The following PIAS2 variants were observed in gnomAD, a reference collection of about 807,000 sequenced individuals.
The protein encoded by PIAS2 is E3 SUMO-protein ligase PIAS2.
PIAS2 carries 19 observed loss-of-function variants against 69.7 expected under a neutral mutation model. The observed-to-expected ratio is 0.27, with a 90% confidence interval of 0.19 to 0.40. The LOEUF is 0.40. Ranked by LOEUF, PIAS2 falls within the 10% of genes least tolerant of loss-of-function variation. The probability of loss-of-function intolerance (pLI) is 1.00; values close to 1 mark genes in which losing one functional copy is unlikely to be tolerated. For synonymous variants in PIAS2, 261 were observed against 263.2 expected (o/e 0.99, Z 0.08); for missense variants, 624 against 757.0 (o/e 0.82, Z 2.06).
intron 10 of PIAS2, among the ~76,000 whole-genome samples, chr18:46,828,717 TC>T (rs2043160820): frequency 6.6e-6 from 1 of 152,256 alleles, no homozygotes; most frequent in South Asian, 2.1e-4. Flanking sequence ...TTTAAACTTT[TC>T]TTATGAATTA....
At chr18:46,814,794 G>A (rs1405043076) in intron 13 of PIAS2, among the ~76,000 whole-genome samples, 3 of 152,128 alleles carry the variant, frequency 2.0e-5, no homozygotes, top group Admixed American at 6.6e-5. Flanking sequence ...TTGGGACACC[G>A]AGCTACTAGG....
In PIAS2 at chr18:46,804,500, T is replaced by C. The variant is rs193155009; in HGVS notation, c.*7933A>G. ...CTCAACAAATTCTCATTACTACTAA[T>C]GATCATGAAAACTCTTCAATGTCTC... On this transcript the variant is annotated 3_prime_UTR_variant, in exon 14 of 14. Transcript: ENST00000585916. 1.1e-4 allele frequency: 16 copies of C among 152,346 alleles called. No individual in the cohort carries two copies. The highest frequency in any genetic ancestry group is 1.0e-3 in the Admixed American group (16 of 15,304). 9.4% of individuals were successfully genotyped at this position (152,346 alleles called of 1,614,324 possible).
chr18:46,839,862 T>C (rs973133036), intron 8 of PIAS2, among the ~76,000 whole-genome samples: 2 of 111,586 alleles, frequency 1.8e-5, no homozygotes, highest in African/African-American at 7.1e-5. Flanking sequence ...CAAAACTCTG[T>C]CAAAAAAAAA....
chr18:46,906,049 A>T (rs1362630498), intron 1 of PIAS2: 1 of 152,154 alleles, frequency 6.6e-6, no homozygotes, highest in African/African-American at 2.4e-5. Context: ...TGGGAAAAAA[A>T]TTAATATAAC....
intron 2 of PIAS2, among the ~76,000 whole-genome samples, chr18:46,880,436 C>A (rs1598755487): frequency 6.6e-6 from 1 of 151,960 alleles, no homozygotes; most frequent in South Asian, 2.1e-4. Context: ...TACAGTGACA[C>A]ACACTTACAG....
chr18:46,867,935 T>A (rs1354736090), intron 2 of PIAS2, among the ~76,000 whole-genome samples: 4 of 152,232 alleles, frequency 2.6e-5, no homozygotes, highest in Non-Finnish European at 5.9e-5. Flanking sequence ...CTAGCTCTCA[T>A]GCTATAAAGA....
intron 9 of PIAS2, among the ~76,000 whole-genome samples, chr18:46,835,104 A>G (rs1202673185): frequency 6.6e-6 from 1 of 152,238 alleles, no homozygotes; most frequent in Non-Finnish European, 1.5e-5. Context: ...ACAAAATATT[A>G]ATGTGCAAAG....
intron 3 of PIAS2, among the ~76,000 whole-genome samples, chr18:46,862,322 G>A (rs1304219746): frequency 1.3e-5 from 2 of 151,976 alleles, no homozygotes; most frequent in African/African-American, 2.4e-5. Context: ...ATGACAGAGC[G>A]AGACTCTGTC....
At chr18:46,834,641 G>C (rs184422315) in intron 9 of PIAS2, among the ~76,000 whole-genome samples, 3 of 151,970 alleles carry the variant, frequency 2.0e-5, no homozygotes, top group African/African-American at 7.2e-5. Context: ...TTGAAACAGA[G>C]TCTTTCTCCA....
chr18:46,813,282 G>A (rs1316092692), intron 13 of PIAS2, among the ~76,000 whole-genome samples: 2 of 152,104 alleles, frequency 1.3e-5, no homozygotes, highest in African/African-American at 4.8e-5. Flanking sequence ...TAATCTTCTC[G>A]TGATGCCTGC....
At chr18:46,815,981 T>C (rs924420486) in intron 12 of PIAS2, 2 of 985,272 alleles carry the variant, frequency 2.0e-6, no homozygotes, top group African/African-American at 3.5e-5. Flanking sequence ...AAGAGGAATG[T>C]GTAAAAGGTT....
At chr18:46,917,002 C>T (rs2058018831) in intron 1 of PIAS2, 2 of 986,628 alleles carry the variant, frequency 2.0e-6, no homozygotes, top group Admixed American at 6.1e-5. Context: ...TCGGCCCTCA[C>T]TGCGAACCGG....
At chr18:46,894,409 G>A (rs560059255) in intron 1 of PIAS2, among the ~76,000 whole-genome samples, 1 of 152,082 alleles carries the variant, frequency 6.6e-6, no homozygotes, top group Non-Finnish European at 1.5e-5. Flanking sequence ...GATTTCAGTT[G>A]TTTTTCTCCA....
intron 1 of PIAS2, 102 bp from the exon 2 acceptor site, chr18:46,891,156 A>T: frequency 1.2e-6 from 1 of 808,104 alleles, no homozygotes; most frequent in Non-Finnish European, 2.0e-6. Flanking sequence ...CATTCTATCA[A>T]TTGGCATGTG....
At chr18:46,874,389 C>G (rs2050837871) in intron 2 of PIAS2, among the ~76,000 whole-genome samples, 2 of 152,080 alleles carry the variant, frequency 1.3e-5, no homozygotes, top group African/African-American at 4.8e-5. Context: ...GTTTGGATCA[C>G]TAGAAAATAT....
At chr18:46,826,955 G>A (rs1193480931) in intron 11 of PIAS2, 1 of 152,058 alleles carries the variant, frequency 6.6e-6, no homozygotes, top group African/African-American at 2.4e-5. Context: ...GCCTAGATTT[G>A]GGGTGTAAAT....
At chr18:46,918,208 C>CGTAAT (rs1239748603), upstream of PIAS2, among the ~76,000 whole-genome samples, 1 of 152,016 alleles carries the variant, frequency 6.6e-6, no homozygotes, top group Admixed American at 6.6e-5. Flanking sequence ...ATGGCCCCCC[C>CGTAAT]GTAATGTGCT....
At chr18:46,854,463 T>C (rs1025908765) in intron 5 of PIAS2, among the ~76,000 whole-genome samples, 2 of 152,202 alleles carry the variant, frequency 1.3e-5, no homozygotes, top group African/African-American at 4.8e-5. Context: ...AAACGTGCCA[T>C]GTTGTACTAT....
chr18:46,867,942 A>C (rs2049743158), intron 2 of PIAS2, among the ~76,000 whole-genome samples: 1 of 152,190 alleles, frequency 6.6e-6, no homozygotes, highest in African/African-American at 2.4e-5. Context: ...TCATGCTATA[A>C]AGAAGCCCAA....
Sources: gnomAD v4.1 joint callset for allele counts (sites outside exome capture counted in the v4.1 genomes callset) on GRCh38, gnomAD v4.1.1 for gene constraint, MANE v1.5 for transcripts, NCBI Gene and HGNC (gene_info 2026-07-23, HGNC 2026-07-21) for gene names.